The following EIF4G3 variants were observed in gnomAD, a reference collection of about 807,000 sequenced individuals.
The protein encoded by EIF4G3 is eIF-4-gamma 3.
EIF4G3 carries 34 observed loss-of-function variants against 186.4 expected under a neutral mutation model. The observed-to-expected ratio is 0.18, with a 90% confidence interval of 0.14 to 0.24. The LOEUF (loss-of-function observed/expected upper bound fraction) is 0.24. Among genes scored for constraint, EIF4G3 ranks in the 10% least tolerant of loss-of-function variants. The probability of loss-of-function intolerance (pLI) is 1.00; values close to 1 mark genes in which losing one functional copy is unlikely to be tolerated. For synonymous variants in EIF4G3, 673 were observed against 679.5 expected (o/e 0.99, Z 0.15); for missense variants, 1,536 against 1,948.5 (o/e 0.79, Z 3.99).
chr1:21,039,490 G>C (rs2093433788), intron 4 of EIF4G3, among the ~76,000 whole-genome samples: 2 of 152,214 alleles, frequency 1.3e-5, no homozygotes, highest in South Asian at 4.1e-4. Context: ...AGATAAATTA[G>C]ACTTTATCAA....
chr1:20,842,649 A>G (rs1328233412), intron 29 of EIF4G3, among the ~76,000 whole-genome samples: 2 of 151,244 alleles, frequency 1.3e-5, no homozygotes, highest in Admixed American at 6.6e-5. Flanking sequence ...TATAGGCGTG[A>G]GCCACCGCGC....
At chr1:20,938,002 T>G (rs1455099790) in intron 14 of EIF4G3, among the ~76,000 whole-genome samples, 2 of 132,228 alleles carry the variant, frequency 1.5e-5, no homozygotes, top group Admixed American at 7.5e-5. Flanking sequence ...ACTGATGCTT[T>G]CTTTTTTTTT....
chr1:20,926,264 C>A (rs1470053692), intron 14 of EIF4G3, among the ~76,000 whole-genome samples: 3 of 152,182 alleles, frequency 2.0e-5, no homozygotes, highest in African/African-American at 7.2e-5. Context: ...CAGCAAGTAT[C>A]ATCTCCTCCA....
intron 7 of EIF4G3, among the ~76,000 whole-genome samples, chr1:20,987,142 T>C (rs995954743): frequency 6.6e-6 from 1 of 152,194 alleles, no homozygotes; most frequent in Non-Finnish European, 1.5e-5. Context: ...TACCCAAAGC[T>C]TCCTCATCAA....
intron 18 of EIF4G3, among the ~76,000 whole-genome samples, chr1:20,887,457 C>T (rs1454014183): frequency 6.6e-6 from 1 of 152,100 alleles, no homozygotes; most frequent in Non-Finnish European, 1.5e-5. Flanking sequence ...CTGATAAGCT[C>T]AAACACCTTT....
At chr1:20,943,974 T>TTTTG (rs2095829221) in intron 13 of EIF4G3, among the ~76,000 whole-genome samples, 10 of 62,540 alleles carry the variant, frequency 1.6e-4, no homozygotes, top group African/African-American at 5.5e-4. Flanking sequence ...TTTATTTTTT[T>TTTTG]TGTGTGTGTG....
intron 14 of EIF4G3, among the ~76,000 whole-genome samples, chr1:20,931,666 C>T (rs1372094524): frequency 6.6e-6 from 1 of 152,186 alleles, no homozygotes; most frequent in Non-Finnish European, 1.5e-5. Flanking sequence ...GTGGCTCACT[C>T]CTATAATCCC....
intron 12 of EIF4G3, among the ~76,000 whole-genome samples, chr1:20,966,012 C>T (rs2074570037): frequency 6.6e-6 from 1 of 152,190 alleles, no homozygotes; most frequent in Admixed American, 6.6e-5. Flanking sequence ...TTCTATTTCA[C>T]ATGTACCACC....
At chr1:21,128,997 A>G (rs2097101030) in intron 2 of EIF4G3, among the ~76,000 whole-genome samples, 1 of 152,180 alleles carries the variant, frequency 6.6e-6, no homozygotes, top group East Asian at 1.9e-4. Flanking sequence ...ACAGACCATG[A>G]GAGAAAGAGA....
At position 21,154,993 on chromosome 1, in the gene EIF4G3, TG is replaced by T. The variant is rs1453017985; in HGVS notation, c.-272+21181del. ...AAATATATAGGCCAGCGGGGCACAG[TG>T]GCTCACGCCTGTAATCCCAGAACTT... On this transcript the variant is annotated intron_variant, in intron 2 of 36. Transcript: ENST00000602326. Among the ~76,000 whole-genome samples the T allele has an allele frequency of 3.3e-5, 5 of 152,054 alleles. No homozygotes were observed. In the East Asian group the frequency reaches 9.6e-4, roughly 29 times the overall value.
In EIF4G3 at chr1:21,093,217, T is replaced by G. The variant is rs192791903; in HGVS notation, c.-271-4004A>C. Among the ~76,000 whole-genome samples the G allele has an allele frequency of 2.0e-5, 3 of 152,254 alleles. No individual in the cohort carries two copies. The East Asian group carries it at 5.8e-4, about 29-fold the overall frequency. ...ATCTACTCATCTGACAAAGGGCTAA[T>G]ATCCAGAATCTACAAAGAACTCAAA... On this transcript the variant is annotated intron_variant, in intron 2 of 36. Transcript: ENST00000602326.
chr1:20,837,596 G>A (rs1557852426), intron 30 of EIF4G3, among the ~76,000 whole-genome samples: 1 of 152,124 alleles, frequency 6.6e-6, no homozygotes, highest in African/African-American at 2.4e-5. Flanking sequence ...TGACATCTAA[G>A]CAGTAGCAGC....
At chr1:21,067,105 T>C (rs2095269614) in intron 3 of EIF4G3, among the ~76,000 whole-genome samples, 1 of 151,282 alleles carries the variant, frequency 6.6e-6, no homozygotes, top group Non-Finnish European at 1.5e-5. Flanking sequence ...ATCAGGTAAA[T>C]ACATATTAAG....
intron 31 of EIF4G3, among the ~76,000 whole-genome samples, chr1:20,828,179 C>T (rs1305584412): frequency 2.0e-5 from 3 of 151,836 alleles, no homozygotes; most frequent in Non-Finnish European, 4.4e-5. Context: ...ATTACAGGCA[C>T]GTAACACCAT....
At chr1:21,106,913 G>A (rs972501852) in intron 2 of EIF4G3, among the ~76,000 whole-genome samples, 1 of 152,046 alleles carries the variant, frequency 6.6e-6, no homozygotes, top group African/African-American at 2.4e-5. Flanking sequence ...CTCTACTGTT[G>A]ACACATCAGG....
intron 4 of EIF4G3, among the ~76,000 whole-genome samples, chr1:21,020,798 G>T (rs1382882773): frequency 6.6e-6 from 1 of 152,130 alleles, no homozygotes; most frequent in Non-Finnish European, 1.5e-5. Flanking sequence ...CTGAAACATG[G>T]AGTGAAATAA....
At position 20,810,690 on chromosome 1, in the gene EIF4G3, T is replaced by C; in HGVS notation, c.4744+48A>G. 1 of 1,596,482 alleles carries C rather than the reference T, an allele frequency of 6.3e-7. No individual in the cohort carries two copies. The highest frequency in any genetic ancestry group is 8.6e-7 in the Non-Finnish European group (1 of 1,165,384). On this transcript the variant is annotated intron_variant, in intron 36 of 36. Transcript: ENST00000602326. The surrounding 1 kb of genome is among the most constrained non-coding windows in gnomAD (Gnocchi z 4.1). ...AATCATCTCTAAGTCCTGGCTTGGA[T>C]AAATCTCACTCATTGGTTAGATTAA...
chr1:20,886,397 C>A, intron 18 of EIF4G3, 26 bp from the exon 19 acceptor site: 1 of 1,605,166 alleles, frequency 6.2e-7, no homozygotes, highest in South Asian at 1.1e-5. Flanking sequence ...TACAGCTATT[C>A]AGAGTACTTA....
chr1:20,862,042 G>A (rs893324782), intron 23 of EIF4G3, among the ~76,000 whole-genome samples, 186 bp downstream of exon 23: 5 of 151,918 alleles, frequency 3.3e-5, no homozygotes, highest in African/African-American at 9.7e-5. Flanking sequence ...GAAGAAGCAC[G>A]TAACTGGCAA....
Sources: allele counts gnomAD v4.1 joint callset (sites outside exome capture counted in the v4.1 genomes callset), GRCh38; gene constraint gnomAD v4.1.1; non-coding constraint Gnocchi (gnomAD v3.1); transcripts MANE v1.5; gene names NCBI Gene and HGNC (gene_info 2026-07-23, HGNC 2026-07-21).